The following ZDHHC17 variants were observed in gnomAD, a reference collection of about 807,000 sequenced individuals.
The protein encoded by ZDHHC17 is zDHHC palmitoyltransferase 17.
A neutral mutation model predicts 90.3 loss-of-function variants in ZDHHC17; 40 were observed. The ratio of observed to expected loss-of-function variants is 0.44; its 90% confidence interval spans 0.34 to 0.58. The LOEUF is 0.58. Ranked by LOEUF, ZDHHC17 falls within the 20% of genes least tolerant of loss-of-function variation. The pLI, the probability that ZDHHC17 is intolerant of heterozygous loss-of-function variation, is 0.01. For missense variants in ZDHHC17, 614 were observed against 780.8 expected (o/e 0.79, Z 2.55); for synonymous variants, 235 against 252.4 (o/e 0.93, Z 0.65).
At chr12:76,776,971 C>T (rs1263993350) in intron 1 of ZDHHC17, among the ~76,000 whole-genome samples, 1 of 152,164 alleles carries the variant, frequency 6.6e-6, no homozygotes, top group Non-Finnish European at 1.5e-5. Context: ...GATTCACATG[C>T]AGTTGTAAGA....
At chr12:76,781,154 A>T (rs1952621169) in intron 1 of ZDHHC17, among the ~76,000 whole-genome samples, 1 of 151,422 alleles carries the variant, frequency 6.6e-6, no homozygotes, top group Non-Finnish European at 1.5e-5. Context: ...AAAAAAAAAA[A>T]TCTGATAAAT....
chr12:76,787,670 A>G (rs568095954), intron 1 of ZDHHC17, among the ~76,000 whole-genome samples: 1 of 151,888 alleles, frequency 6.6e-6, no homozygotes, highest in South Asian at 2.1e-4. Flanking sequence ...CGCGCGCAGG[A>G]GAGTTGATGG....
At chr12:76,780,609 CT>C (rs1414804419) in intron 1 of ZDHHC17, among the ~76,000 whole-genome samples, 1 of 152,184 alleles carries the variant, frequency 6.6e-6, no homozygotes, top group Admixed American at 6.5e-5. Flanking sequence ...TTTCTCCCAT[CT>C]TTTCTTAAGT....
At chr12:76,831,324 CTG>C (rs1953298309) in intron 10 of ZDHHC17, among the ~76,000 whole-genome samples, 1 of 151,518 alleles carries the variant, frequency 6.6e-6, no homozygotes, top group African/African-American at 2.4e-5. Flanking sequence ...TTTTTATTGT[CTG>C]TTTTTGTGTT....
At chr12:76,802,257 T>G (rs976693748) in intron 2 of ZDHHC17, among the ~76,000 whole-genome samples, 1 of 152,192 alleles carries the variant, frequency 6.6e-6, no homozygotes, top group Non-Finnish European at 1.5e-5. Context: ...TTTAGCGCTT[T>G]GGATATGTCA....
chr12:76,780,591 C>T lies in ZDHHC17; in HGVS notation c.93+16262C>T, dbSNP rs1011923167. Among the ~76,000 whole-genome samples the T allele has an allele frequency of 2.6e-5, 4 of 152,134 alleles. No individual in the cohort carries two copies. In the South Asian group the frequency reaches 8.3e-4, roughly 31 times the overall value. ...AAAAGTTGTCTGTACTTGCTGTTCC[C>T]AGTTCCTTTTCTCCCATCTTTTCTT... is the stretch of plus-strand genomic sequence containing the variant. On this transcript the variant is annotated intron_variant, in intron 1 of 16. Transcript: ENST00000426126.
At position 76,809,842 on chromosome 12, in the gene ZDHHC17, CAT is replaced by C; in HGVS notation, c.530_531del (p.Ile177SerfsTer23). ...GACATACCTCAATTGTTGCTTATCT[CAT>C]AGCAAAAGGACAGGTAAAAAAAATC... Reference protein sequence around the residue: ...FGHTSIVAYLIAKGQDVDMMD... With the variant: ...FGHTSIVAYLXAKGQDVDMMD... On this transcript the variant is annotated frameshift_variant, in exon 5 of 17. Transcript: ENST00000426126. LOFTEE classifies it high-confidence loss of function. 6.2e-7 allele frequency: 1 copy of C among 1,610,782 alleles called. No individual in the cohort carries two copies. The highest frequency in any genetic ancestry group is 8.5e-7 in the Non-Finnish European group (1 of 1,178,398).
At chr12:76,834,527 TTC>T (rs562689292) in intron 10 of ZDHHC17, among the ~76,000 whole-genome samples, 181 of 152,326 alleles carry the variant, frequency 1.2e-3, no homozygotes, top group African/African-American at 4.2e-3. Flanking sequence ...CTTGTTAGAC[TTC>T]TCTGTTTTCT....
At chr12:76,765,889 A>G (rs1565751738) in intron 1 of ZDHHC17, among the ~76,000 whole-genome samples, 1 of 152,060 alleles carries the variant, frequency 6.6e-6, no homozygotes, top group Non-Finnish European at 1.5e-5. Flanking sequence ...TTTGTAGAAG[A>G]AGAGGTCTCC....
Position 76,822,510 on chromosome 12 carries a change from T to C in ZDHHC17, c.876T>C (p.Leu292=), listed in dbSNP as rs1468387979. 6.2e-7 allele frequency: 1 copy of C among 1,605,060 alleles called. No homozygotes were observed. The highest frequency in any genetic ancestry group is 2.2e-5 in the East Asian group (1 of 44,700). ...QAKGYDNPSF[L]RKLKADKEFR... is the part of the protein sequence containing the mutation. ...AAGGATATGACAATCCGTCCTTCCT[T>C]AGAAAGCTGAAAGCTGATAAGGTAA... The change falls in exon 8 of 17, where the codon CTT becomes CTC. Residue 292 remains leucine, a synonymous_variant. Coordinates refer to ENST00000426126, the MANE Select transcript of ZDHHC17 (RefSeq NM_015336.4).
chr12:76,833,633 A>AT (rs548846839), intron 10 of ZDHHC17, among the ~76,000 whole-genome samples: 1,935 of 151,762 alleles, frequency 0.013, 31 homozygotes, highest in South Asian at 0.018. Context: ...TCTACTAAAA[A>AT]TACAAAAAAT....
intron 10 of ZDHHC17, among the ~76,000 whole-genome samples, chr12:76,829,935 C>T (rs1416416954): frequency 1.3e-5 from 2 of 152,106 alleles, no homozygotes; most frequent in Non-Finnish European, 2.9e-5. Flanking sequence ...TCCAGCAATC[C>T]GTCTGCCTGA....
intron 3 of ZDHHC17, 32 bp from the exon 4 acceptor site, chr12:76,809,011 T>G: frequency 7.5e-7 from 1 of 1,332,722 alleles, no homozygotes; most frequent in Non-Finnish European, 9.9e-7. Context: ...AAAATGAAAG[T>G]TATTTAAATT....
At chr12:76,811,740 G>A (rs538900554) in intron 5 of ZDHHC17, among the ~76,000 whole-genome samples, 29 of 150,284 alleles carry the variant, frequency 1.9e-4, no homozygotes, top group African/African-American at 6.4e-4. Context: ...GCCATCTGCT[G>A]ACTGAGGTTA....
chr12:76,786,393 A>T (rs1459073038), intron 1 of ZDHHC17, among the ~76,000 whole-genome samples: 1 of 152,094 alleles, frequency 6.6e-6, no homozygotes, highest in Non-Finnish European at 1.5e-5. Flanking sequence ...AGTAGCTGGG[A>T]TGGCAGGCAC....
chr12:76,772,064 C>G (rs1020431148), intron 1 of ZDHHC17, among the ~76,000 whole-genome samples: 1 of 152,212 alleles, frequency 6.6e-6, no homozygotes, highest in African/African-American at 2.4e-5. Flanking sequence ...GAGCTAGGCA[C>G]TATCCTAAAC....
intron 15 of ZDHHC17, 150 bp downstream of exon 15, chr12:76,848,540 T>C (rs1373789354): frequency 1.6e-5 from 15 of 929,170 alleles, no homozygotes; most frequent in Non-Finnish European, 2.3e-5. Context: ...CCTCACTCTT[T>C]TGCCCCTTCC....
rs989478474 is a variant in ZDHHC17 at position 76,822,433 on chromosome 12, CAG to C, written c.803_804del (p.Arg268LysfsTer19). The C allele has an allele frequency of 3.7e-6, 6 of 1,612,832 alleles. No homozygotes were observed. The highest frequency in any genetic ancestry group is 2.7e-5 in the African/African-American group (2 of 74,634). On this transcript the variant is annotated frameshift_variant, in exon 8 of 17. Transcript: ENST00000426126. LOFTEE classifies it high-confidence loss of function. ...CGAATCAGCGCTTGATTTGGCAAAA[CAG>C]AGAAAAAATGTGTGGATGATCAACC... is the stretch of plus-strand genomic sequence containing the variant. ...KGESALDLAK[Q>X]RKNVWMINHL... is the part of the protein sequence containing the mutation.
chr12:76,830,225 T>G (rs1437252047), intron 10 of ZDHHC17, among the ~76,000 whole-genome samples: 1 of 152,246 alleles, frequency 6.6e-6, no homozygotes, highest in African/African-American at 2.4e-5. Flanking sequence ...GACTTGTAAC[T>G]GTTCTAAACA....
Sources: allele counts gnomAD v4.1 joint callset (sites outside exome capture counted in the v4.1 genomes callset), GRCh38; gene constraint gnomAD v4.1.1; transcripts MANE v1.5; gene names NCBI Gene and HGNC (gene_info 2026-07-23, HGNC 2026-07-21).